The following POGZ variants were observed in gnomAD, a reference collection of about 807,000 sequenced individuals.
POGZ encodes pogo transposable element with ZNF domain.
A neutral mutation model predicts 134.6 loss-of-function variants in POGZ; 17 were observed. That is an observed-to-expected ratio of 0.13 (90% CI 0.09 to 0.19). The LOEUF (loss-of-function observed/expected upper bound fraction) is 0.19. Ranked by LOEUF, POGZ falls within the 10% of genes least tolerant of loss-of-function variation. The pLI, the probability that POGZ is intolerant of heterozygous loss-of-function variation, is 1.00. For synonymous variants in POGZ, 693 were observed against 657.1 expected, an observed-to-expected ratio of 1.05 and a Z score of -0.84; for missense variants, 1,306 against 1,769.7, an observed-to-expected ratio of 0.74 and a Z score of 4.70.
Position 151,408,620 on chromosome 1 carries a change from A to G in POGZ, c.2062-39T>C, listed in dbSNP as rs760639165. 21 of 1,604,852 alleles carry G rather than the reference A, an allele frequency of 1.3e-5. No individual in the cohort carries two copies. In the Admixed American group the frequency reaches 3.7e-4, roughly 28 times the overall value. ...GAAGTAACAATGAGACATCACCCAC[A>G]CTAAATTTCAGAATACTGAAAATCT... is the stretch of plus-strand genomic sequence containing the variant. On this transcript the variant is annotated intron_variant, in intron 13 of 18. Coordinates refer to ENST00000271715, the MANE Select transcript of POGZ (RefSeq NM_015100.4).
intron 1 of POGZ, among the ~76,000 whole-genome samples, chr1:151,446,929 T>C (rs945632085): frequency 1.3e-5 from 2 of 152,136 alleles, no homozygotes; most frequent in East Asian, 3.8e-4. Flanking sequence ...AAGTTAGACA[T>C]GTATTCGTCA....
chr1:151,411,596 G>A (rs753906144), intron 12 of POGZ, 29 bp downstream of exon 12: 3 of 1,508,068 alleles, frequency 2.0e-6, no homozygotes, highest in South Asian at 1.2e-5. Flanking sequence ...AAAAACAAGA[G>A]AATATGGGAA....
chr1:151,440,707 G>GCT (rs1660392356), intron 3 of POGZ: 1 of 350,448 alleles, frequency 2.9e-6, no homozygotes, highest in East Asian at 4.3e-5. Flanking sequence ...AGAATCTACT[G>GCT]CTCTCTCACT....
Position 151,423,327 on chromosome 1 carries a change from C to T in POGZ, c.1678+70G>A. On this transcript the variant is annotated intron_variant, in intron 10 of 18. Coordinates refer to ENST00000271715, the MANE Select transcript of POGZ (RefSeq NM_015100.4). ...CACATGTAAATAAATATAATGGGCT[C>T]CCCCCAGCGCCATTCAATGAGTGAA... The T allele has an allele frequency of 3.9e-6, 5 of 1,279,942 alleles. No individual in the cohort carries two copies. The South Asian group carries it at 6.2e-5, about 16-fold the overall frequency. 79.3% of individuals were successfully genotyped at this position (1,279,942 alleles called of 1,614,324 possible). A position where few individuals can be genotyped will look rare whatever the true frequency, so the allele number is the denominator to read the frequency against.
chr1:151,431,471 G>A (rs1407561923), intron 3 of POGZ, among the ~76,000 whole-genome samples: 2 of 152,142 alleles, frequency 1.3e-5, no homozygotes, highest in East Asian at 1.9e-4. Context: ...AATTCAGCAA[G>A]CACACAGAAT....
chr1:151,407,393 G>A (rs1436486046), intron 15 of POGZ, 102 bp from the exon 16 acceptor site: 1 of 766,094 alleles, frequency 1.3e-6, no homozygotes, highest in Non-Finnish European at 2.2e-6. Context: ...CACTTCTTCA[G>A]TGCACCCTAA....
At chr1:151,435,953 C>A (rs1413607249) in intron 3 of POGZ, among the ~76,000 whole-genome samples, 1 of 97,290 alleles carries the variant, frequency 1.0e-5, no homozygotes, top group Non-Finnish European at 2.5e-5. Context: ...AGAACATTTT[C>A]TTTTCTTTTT....
At chr1:151,457,902 G>C (rs1239329363) in intron 1 of POGZ, among the ~76,000 whole-genome samples, 1 of 151,322 alleles carries the variant, frequency 6.6e-6, no homozygotes, top group Non-Finnish European at 1.5e-5. Flanking sequence ...ACACCAGCCT[G>C]GGCGACAAGA....
chr1:151,433,977 G>A (rs920927454), intron 3 of POGZ, among the ~76,000 whole-genome samples: 9 of 152,074 alleles, frequency 5.9e-5, no homozygotes, highest in African/African-American at 2.2e-4. Flanking sequence ...CTAGGAGTTC[G>A]AGTCCAGCCT....
chr1:151,422,480 G>A (rs1657076778), intron 10 of POGZ, among the ~76,000 whole-genome samples: 1 of 152,176 alleles, frequency 6.6e-6, no homozygotes, highest in Non-Finnish European at 1.5e-5. Flanking sequence ...CAATTTCTTT[G>A]AGCTTATGTT....
At chr1:151,407,113 C>A in intron 16 of POGZ, 90 bp from the exon 17 acceptor site, 1 of 1,211,012 alleles carries the variant, frequency 8.3e-7, no homozygotes, top group Non-Finnish European at 1.2e-6. Flanking sequence ...AAAAGGAATG[C>A]CCTCCCACTT....
chr1:151,450,023 A>ATTT (rs1171783071), intron 1 of POGZ, among the ~76,000 whole-genome samples: 1,162 of 74,356 alleles, frequency 0.016, 127 homozygotes, highest in East Asian at 0.064. Context: ...GTGAAACTTG[A>ATTT]TTTTTTTTTT....
chr1:151,440,008 T>G (rs1334839824), intron 3 of POGZ, among the ~76,000 whole-genome samples: 2 of 152,164 alleles, frequency 1.3e-5, no homozygotes, highest in African/African-American at 4.8e-5. Context: ...TATTCACTAT[T>G]AAGGGGAAAA....
chr1:151,430,683 T>C lies in POGZ; in HGVS notation c.442A>G (p.Ile148Val). The C allele has an allele frequency of 6.2e-7, 1 of 1,608,778 alleles. No homozygotes were observed. Among genetic ancestry groups the C allele is most frequent in the South Asian group, 1.1e-5 (1 of 90,864 alleles). Residue 148 changes from isoleucine (I) to valine (V), a missense_variant, in exon 4 of 19, where the codon ATA becomes GTA. This residue lies in a region of POGZ where 541 missense variants were observed against 680.5 expected (regional missense o/e 0.80). Transcript: ENST00000271715. ...VTSSPVASQP[I>V]FITTQGFPVR... ...CTACTCACCTGCGTAGTGATAAATA[T>C]TGGTTGTGAGGCCACAGGGGAACTA...
intron 1 of POGZ, among the ~76,000 whole-genome samples, chr1:151,450,004 CACCT>C (rs1243070655): frequency 3.3e-5 from 5 of 149,484 alleles, no homozygotes; most frequent in Non-Finnish European, 7.4e-5. Context: ...ATCCTATAAT[CACCT>C]ACCTGTGAAA....
rs781040090 is a variant in POGZ at position 151,406,001 on chromosome 1, C to T, written c.3034G>A (p.Ala1012Thr). The T allele has an allele frequency of 1.9e-6, 3 of 1,614,236 alleles. No homozygotes were observed. The highest frequency in any genetic ancestry group is 3.3e-5 in the Admixed American group (2 of 60,028). ...RIRRWLRRFQ[A>T]SQGENLEGKY... ...CCCTCTAGATTCTCCCCCTGGGAGG[C>T]CTGGAAACGTCGAAGCCAACGGCGA... is the stretch of plus-strand genomic sequence containing the variant. Residue 1012 changes from alanine to threonine, a missense_variant, in exon 19 of 19, where the codon GCC becomes ACC. Ala to Thr is a moderately conservative substitution (Grantham distance 58). Transcript: ENST00000271715.
In POGZ at chr1:151,408,451, G is replaced by C. The variant is rs1206954219; in HGVS notation, c.2192C>G (p.Pro731Arg). The C allele has an allele frequency of 1.3e-6, 2 of 1,594,598 alleles. No homozygotes were observed. Among genetic ancestry groups the C allele is most frequent in the Non-Finnish European group, 1.7e-6 (2 of 1,175,224 alleles). The change falls in exon 14 of 19, where the codon CCC becomes CGC. Residue 731 changes from proline (P) to arginine (R), a missense_variant. By Grantham distance (103) the Pro-to-Arg change is moderately radical. This residue lies in a region of POGZ where 149 missense variants were observed against 237.5 expected (regional missense o/e 0.63). Coordinates refer to ENST00000271715, the MANE Select transcript of POGZ (RefSeq NM_015100.4). The stretch of plus-strand genomic sequence containing the variant: ...CTTCTGGATGCTGCGCTGGACAGGG[G>C]GATAAAGGAAGACAGGCAGAGGGTC... ...SMDPLPVFLYPPVQRSIQKRA... is the reference protein window; with the variant it reads ...SMDPLPVFLYRPVQRSIQKRA...
chr1:151,434,374 C>T (rs1203499899), intron 3 of POGZ, among the ~76,000 whole-genome samples: 1 of 151,644 alleles, frequency 6.6e-6, no homozygotes, highest in Non-Finnish European at 1.5e-5. Flanking sequence ...CTTGGGGGGC[C>T]GAGGTGGGAG....
chr1:151,420,872 G>C (rs1046095513), intron 10 of POGZ, among the ~76,000 whole-genome samples: 1 of 151,578 alleles, frequency 6.6e-6, no homozygotes, highest in Non-Finnish European at 1.5e-5. Flanking sequence ...AATTTTGCCT[G>C]TTTTTTTAAA....
Sources: allele counts gnomAD v4.1 joint callset (sites outside exome capture counted in the v4.1 genomes callset), GRCh38; gene constraint gnomAD v4.1.1; regional missense constraint gnomAD v4.1.1; transcripts MANE v1.5; gene names NCBI Gene and HGNC (gene_info 2026-07-23, HGNC 2026-07-21).